Variants in PCDHA11 observed in about 807,000 individuals in gnomAD.
The protein encoded by PCDHA11 is protocadherin alpha 11, also known as protocadherin alpha-11.
In PCDHA11, 61 loss-of-function variants were observed where a neutral mutation model predicts 70.3. That is an observed-to-expected ratio of 0.87 (90% CI 0.71 to 1.07). The LOEUF is 1.07. PCDHA11 is among the 50% of genes least tolerant of loss of function. The probability of loss-of-function intolerance (pLI) is 0.00; values close to 1 mark genes in which losing one functional copy is unlikely to be tolerated. For missense variants in PCDHA11, 1,324 were observed against 1,237.5 expected, an observed-to-expected ratio of 1.07 and a Z score of -1.05; for synonymous variants, 633 against 555.1, an observed-to-expected ratio of 1.14 and a Z score of -1.97.
chr5:140,928,540 G>T lies in PCDHA11; in HGVS notation c.2392-50409G>T, dbSNP rs1554205973. 4 of 1,614,094 alleles carry T rather than the reference G, an allele frequency of 2.5e-6. No homozygotes were observed. In the Admixed American group the frequency reaches 5.0e-5, roughly 20 times the overall value. On this transcript the variant is annotated intron_variant, in intron 1 of 3. Coordinates refer to ENST00000398640, the MANE Select transcript of PCDHA11 (RefSeq NM_018902.5). The stretch of plus-strand genomic sequence containing the variant: ...AAACTTGTTTGTGGTAGATAGGAAT[G>T]ACAATTATCCGGTTATCTTGTTTCC...
In PCDHA11 at chr5:141,009,914, A is replaced by T; in HGVS notation, c.2827A>T (p.Thr943Ser). The change falls in exon 4 of 4, where the codon ACG (threonine) becomes TCG (serine). Residue 943 changes from threonine (T) to serine (S), a missense_variant. Thr to Ser is a moderately conservative substitution (Grantham distance 58). Coordinates refer to ENST00000398640, the MANE Select transcript of PCDHA11 (RefSeq NM_018902.5). ...GGAGAAAAAAGAGAAAGGGAACAGCACGACTGACAACAGTGACCAGTGAGG... is the reference window on the plus strand; with the variant it reads ...GGAGAAAAAAGAGAAAGGGAACAGCTCGACTGACAACAGTGACCAGTGAGG... ...TQEKKEKGNSTTDNSDQ is the reference protein window; with the variant it reads ...TQEKKEKGNSSTDNSDQ The T allele has an allele frequency of 6.2e-7, 1 of 1,611,466 alleles. No homozygotes were observed. The highest frequency in any genetic ancestry group is 8.5e-7 in the Non-Finnish European group (1 of 1,179,328).
chr5:140,929,443 T>C, intron 1 of PCDHA11: 1 of 1,426,882 alleles, frequency 7.0e-7, no homozygotes, highest in Non-Finnish European at 9.3e-7. Flanking sequence ...AAACACTCCT[T>C]CTTAGCACTT....
intron 1 of PCDHA11, among the ~76,000 whole-genome samples, chr5:140,890,049 G>T (rs1488374417): frequency 1.3e-5 from 2 of 152,158 alleles, no homozygotes; most frequent in Non-Finnish European, 2.9e-5. Flanking sequence ...GTGTGTTGGA[G>T]CTGGCTCTTT....
intron 1 of PCDHA11, among the ~76,000 whole-genome samples, chr5:140,903,538 C>G (rs562932214): frequency 7.9e-5 from 12 of 152,208 alleles, no homozygotes; most frequent in African/African-American, 2.6e-4. Context: ...TAAACTAGAG[C>G]AAGAAACTTT....
At chr5:140,985,739 CTTTTTTTTTT>C (rs11372071) in intron 3 of PCDHA11, among the ~76,000 whole-genome samples, 1 of 117,922 alleles carries the variant, frequency 8.5e-6, no homozygotes, top group African/African-American at 3.2e-5. Context: ...TGATGAATTC[CTTTTTTTTTT>C]TTTTTTTTTT....
At chr5:140,955,771 A>G (rs527455823) in intron 1 of PCDHA11, among the ~76,000 whole-genome samples, 1 of 152,168 alleles carries the variant, frequency 6.6e-6, no homozygotes, top group Admixed American at 6.5e-5. Context: ...GATTCTGTCT[A>G]TCCATGAGCA....
At chr5:140,993,621 A>G (rs531527051) in intron 3 of PCDHA11, among the ~76,000 whole-genome samples, 7 of 152,190 alleles carry the variant, frequency 4.6e-5, no homozygotes, top group African/African-American at 1.7e-4. Flanking sequence ...GGGACCCTCT[A>G]TATATAGTCG....
At chr5:140,934,690 T>G (rs1263392505) in intron 1 of PCDHA11, among the ~76,000 whole-genome samples, 1 of 152,198 alleles carries the variant, frequency 6.6e-6, no homozygotes, top group Non-Finnish European at 1.5e-5. Flanking sequence ...AAACAATGAA[T>G]TGATTCCTGG....
chr5:140,985,928 C>A (rs1001132600), intron 3 of PCDHA11, among the ~76,000 whole-genome samples: 2 of 151,534 alleles, frequency 1.3e-5, no homozygotes, highest in Non-Finnish European at 2.9e-5. Flanking sequence ...TTTAGTAGAG[C>A]CGGGGTTTCA....
chr5:140,966,946 C>G (rs377699694), intron 1 of PCDHA11: 3 of 1,603,368 alleles, frequency 1.9e-6, no homozygotes, highest in African/African-American at 2.7e-5. Context: ...TCGTGGGCAA[C>G]GTGGCTCGCG....
rs1333362831 is a variant in PCDHA11 at position 140,976,454 on chromosome 5, GGAA to G, written c.2392-2488_2392-2486del. Among the ~76,000 whole-genome samples, 4 of 152,214 alleles carry G rather than the reference GGAA, an allele frequency of 2.6e-5. No individual in the cohort carries two copies. The East Asian group carries it at 7.7e-4, about 29-fold the overall frequency. On this transcript the variant is annotated intron_variant, in intron 1 of 3. Transcript: ENST00000398640. Reference sequence around the variant, plus strand: ...TAATCCCAGCTACTAGGGAGGCTGGGGAAGAAGAATTGCTTGAATCCGGGAGGC... The same window carrying G: ...TAATCCCAGCTACTAGGGAGGCTGGGGAAGAATTGCTTGAATCCGGGAGGC...
In PCDHA11 at chr5:140,982,507, G is replaced by A. The variant is rs555523473; in HGVS notation, c.2483G>A (p.Arg828Gln). 21 of 1,614,138 alleles carry A rather than the reference G, an allele frequency of 1.3e-5. No individual in the cohort carries two copies. The highest frequency in any genetic ancestry group is 4.0e-5 in the African/African-American group (3 of 75,040). ...CACCTAGAGGAGGCTGGCATTCTAC[G>A]GGCTGGTCCAGGAGGGCCTGATCAG... is the stretch of plus-strand genomic sequence containing the variant. ...SVHLEEAGILRAGPGGPDQQW... is the reference protein window; with the variant it reads ...SVHLEEAGILQAGPGGPDQQW... The change falls in exon 3 of 4, where the codon CGG (arginine) becomes CAG (glutamine). Residue 828 changes from arginine (R) to glutamine (Q), a missense_variant. Arg to Gln is a conservative substitution (Grantham distance 43). Coordinates refer to ENST00000398640, the MANE Select transcript of PCDHA11 (RefSeq NM_018902.5).
intron 1 of PCDHA11, among the ~76,000 whole-genome samples, chr5:140,916,543 G>A (rs1554197499): frequency 6.6e-6 from 1 of 152,152 alleles, no homozygotes; most frequent in Non-Finnish European, 1.5e-5. Context: ...AAGGCAATGG[G>A]TTTTCTATTT....
At chr5:140,875,399 C>T (rs62622796) in intron 1 of PCDHA11, 40,992 of 1,482,866 alleles carry the variant, frequency 0.028, 731 homozygotes, top group Non-Finnish European at 0.032. Flanking sequence ...AAAAGGGTGA[C>T]TGCTCATAAA....
intron 1 of PCDHA11, among the ~76,000 whole-genome samples, chr5:140,925,025 C>T (rs1180931899): frequency 6.6e-6 from 1 of 151,492 alleles, no homozygotes; most frequent in Non-Finnish European, 1.5e-5. Context: ...ATGGGAGGAT[C>T]GCTTGAGCCC....
intron 1 of PCDHA11, chr5:140,968,952 T>C: frequency 1.2e-6 from 2 of 1,614,192 alleles, no homozygotes; most frequent in Non-Finnish European, 1.7e-6. Context: ...TTGAGCATCA[T>C]CAAGTGCTAC....
chr5:140,930,747 CAT>C (rs2087070106), intron 1 of PCDHA11, among the ~76,000 whole-genome samples: 1 of 152,116 alleles, frequency 6.6e-6, no homozygotes, highest in Non-Finnish European at 1.5e-5. Context: ...AATAAATTTA[CAT>C]ATGTTAAAAT....
At chr5:140,981,537 G>A (rs375537131) in intron 2 of PCDHA11, among the ~76,000 whole-genome samples, 2 of 152,172 alleles carry the variant, frequency 1.3e-5, no homozygotes, top group East Asian at 1.9e-4. Flanking sequence ...TCGTGCCACT[G>A]TACTCCAGCC....
At position 140,870,927 on chromosome 5, in the gene PCDHA11, T is replaced by G. The variant is rs782446287; in HGVS notation, c.1824T>G (p.Tyr608Ter). ...ADSGYNAWLS[Y>*]ELQPAAGGSR... ...CAGGCTACAACGCGTGGCTTTCATA[T>G]GAATTGCAGCCGGCGGCGGGCGGCT... The change falls in exon 1 of 4, where the codon TAT becomes TAG. Residue 608 changes from tyrosine to a stop codon, truncating the protein, a stop_gained. Transcript: ENST00000398640. LOFTEE classifies it high-confidence loss of function. 1 of 1,613,880 alleles carries G rather than the reference T, an allele frequency of 6.2e-7. No homozygotes were observed. Among genetic ancestry groups the G allele is most frequent in the South Asian group, 1.1e-5 (1 of 91,082 alleles).
Sources: gnomAD v4.1 joint callset for allele counts (sites outside exome capture counted in the v4.1 genomes callset) on GRCh38, gnomAD v4.1.1 for gene constraint, MANE v1.5 for transcripts, NCBI Gene and HGNC (gene_info 2026-07-23, HGNC 2026-07-21) for gene names.